The following SYNJ2 variants were observed in gnomAD, a reference collection of about 807,000 sequenced individuals.
The protein encoded by SYNJ2 is synaptojanin 2.
A neutral mutation model predicts 141.3 loss-of-function variants in SYNJ2; 116 were observed. The observed-to-expected ratio is 0.82, with a 90% CI of 0.71 to 0.96. The LOEUF is 0.96. Among genes scored for constraint, SYNJ2 ranks in the 40% least tolerant of loss-of-function variants. SYNJ2 has a pLI of 0.00. For missense variants in SYNJ2, 1,873 were observed against 1,934.8 expected, an observed-to-expected ratio of 0.97 and a Z score of 0.60; for synonymous variants, 745 against 777.7, an observed-to-expected ratio of 0.96 and a Z score of 0.70.
intron 1 of SYNJ2, among the ~76,000 whole-genome samples, chr6:158,005,122 G>A (rs1442385762): frequency 6.7e-6 from 1 of 149,304 alleles, no homozygotes; most frequent in Non-Finnish European, 1.5e-5. Flanking sequence ...CTGTCGCCCA[G>A]GCTGGAGTGC....
chr6:158,025,981 A>ATACATACATACATACG (rs1246629241), intron 2 of SYNJ2, among the ~76,000 whole-genome samples: 6 of 128,992 alleles, frequency 4.7e-5, no homozygotes, highest in Non-Finnish European at 1.0e-4. Context: ...TAATACATGC[A>ATACATACATACATACG]TACATACATA....
At chr6:157,991,609 C>A (rs1241168549) in intron 1 of SYNJ2, among the ~76,000 whole-genome samples, 1 of 152,124 alleles carries the variant, frequency 6.6e-6, no homozygotes, top group African/African-American at 2.4e-5. Context: ...AGATTCCATG[C>A]GTCTTAAAAG....
intron 1 of SYNJ2, among the ~76,000 whole-genome samples, chr6:157,985,236 G>C (rs962054504): frequency 1.3e-5 from 2 of 151,674 alleles, no homozygotes; most frequent in African/African-American, 4.9e-5. Context: ...CCTTCCATCT[G>C]AACCTGTCTT....
rs1441464135 is a variant in SYNJ2 at position 158,083,492 on chromosome 6, G to C, written c.2929G>C (p.Glu977Gln). ...TKDWLKGLRE[E>Q]IIRKRDSMAP... ...GGACTGGCTGAAAGGTTTGCGAGAG[G>C]AGATCATTCGGAAACGAGACAGCAT... The change falls in exon 21 of 27, where the codon GAG (glutamate) becomes CAG (glutamine). Residue 977 changes from glutamate (E) to glutamine (Q), a missense_variant. Physicochemically the swap from Glu to Gln is conservative, Grantham distance 29. Coordinates refer to ENST00000355585, the MANE Select transcript of SYNJ2 (RefSeq NM_003898.4). 6.2e-7 allele frequency: 1 copy of C among 1,614,062 alleles called. No individual in the cohort carries two copies. Among genetic ancestry groups the C allele is most frequent in the Admixed American group, 1.7e-5 (1 of 60,002 alleles).
At chr6:158,063,675 A>AAC in intron 8 of SYNJ2, 116 bp from the exon 9 acceptor site, 1 of 627,080 alleles carries the variant, frequency 1.6e-6, no homozygotes, top group Non-Finnish European at 2.5e-6. Flanking sequence ...AAAAAAAAAA[A>AAC]AAAAAAAAAA....
At chr6:158,067,562 T>A in intron 12 of SYNJ2, 1 of 985,394 alleles carries the variant, frequency 1.0e-6, no homozygotes, top group Non-Finnish European at 1.2e-6. Context: ...GGTTTTTTTG[T>A]TTGTTTGTTT....
intron 2 of SYNJ2, among the ~76,000 whole-genome samples, chr6:158,018,621 T>A (rs1778597850): frequency 1.3e-5 from 2 of 152,194 alleles, no homozygotes; most frequent in Non-Finnish European, 2.9e-5. Flanking sequence ...CCAAATAGCA[T>A]TTAGGAAAAA....
chr6:158,017,144 A>C (rs1472150343), intron 1 of SYNJ2, 60 bp from the exon 2 acceptor site: 2 of 1,568,722 alleles, frequency 1.3e-6, no homozygotes, highest in African/African-American at 2.7e-5. Flanking sequence ...CCGGGTGTGA[A>C]TGAACAGGAA....
At chr6:157,995,801 A>G (rs1016010189) in intron 1 of SYNJ2, among the ~76,000 whole-genome samples, 1 of 152,230 alleles carries the variant, frequency 6.6e-6, no homozygotes, top group Admixed American at 6.5e-5. Context: ...ACATCGACAG[A>G]TAAAAATCAA....
intron 1 of SYNJ2, among the ~76,000 whole-genome samples, chr6:158,004,714 C>T (rs193229645): frequency 9.8e-5 from 15 of 152,318 alleles, no homozygotes. Context: ...TGAATTCTCT[C>T]TTGCATGAGA....
Position 158,084,199 on chromosome 6 carries a change from G to T in SYNJ2, c.3208+25G>T. ...GGTAGCCTGACCCTTCTTTTCTCAGGAGCCTCAGCGATGGAGTCAGCTCAG... is the reference window on the plus strand; with the variant it reads ...GGTAGCCTGACCCTTCTTTTCTCAGTAGCCTCAGCGATGGAGTCAGCTCAG... On this transcript the variant is annotated intron_variant, in intron 22 of 26. Transcript: ENST00000355585. This position sits in a 1 kb window ranked among gnomAD's most constrained non-coding sequence, Gnocchi z 5.0. 6.2e-7 allele frequency: 1 copy of T among 1,606,642 alleles called. No individual in the cohort carries two copies. The highest frequency in any genetic ancestry group is 8.5e-7 in the Non-Finnish European group (1 of 1,175,964).
At chr6:158,038,847 G>T (rs1004830259) in intron 4 of SYNJ2, among the ~76,000 whole-genome samples, 9 of 152,226 alleles carry the variant, frequency 5.9e-5, no homozygotes, top group Non-Finnish European at 8.8e-5. Flanking sequence ...GCACAGCAGA[G>T]CCAGGGCAGG....
intron 16 of SYNJ2, among the ~76,000 whole-genome samples, chr6:158,075,792 C>T (rs1429264187): frequency 1.3e-5 from 2 of 152,140 alleles, no homozygotes; most frequent in Non-Finnish European, 2.9e-5. Flanking sequence ...CCATACCAAC[C>T]TCCTAAAGCA....
intron 1 of SYNJ2, among the ~76,000 whole-genome samples, chr6:158,005,079 ATT>A (rs11334192): frequency 0.022 from 2,691 of 123,844 alleles, 37 homozygotes; most frequent in African/African-American, 0.054. Context: ...CCCAGTGACT[ATT>A]TTTTTTTTTT....
At chr6:158,000,478 C>T (rs181766066) in intron 1 of SYNJ2, among the ~76,000 whole-genome samples, 28 of 152,226 alleles carry the variant, frequency 1.8e-4, no homozygotes, top group Admixed American at 9.8e-4. Flanking sequence ...GTCTCATAGC[C>T]CCTCTAACCC....
At chr6:158,038,102 G>A (rs1779737023) in intron 4 of SYNJ2, among the ~76,000 whole-genome samples, 1 of 152,232 alleles carries the variant, frequency 6.6e-6, no homozygotes, top group Non-Finnish European at 1.5e-5. Flanking sequence ...ATAGAGATAT[G>A]AACAGCCTGC....
chr6:158,089,755 C>T, intron 24 of SYNJ2, 84 bp from the exon 25 acceptor site: 2 of 978,810 alleles, frequency 2.0e-6, no homozygotes, highest in Non-Finnish European at 1.6e-6. Context: ...GAGCCCTGCA[C>T]AGACCCACGG....
Position 158,015,094 on chromosome 6 carries a change from T to C in SYNJ2, c.128-2110T>C, listed in dbSNP as rs567908516. On this transcript the variant is annotated intron_variant, in intron 1 of 26. Coordinates refer to ENST00000355585, the MANE Select transcript of SYNJ2 (RefSeq NM_003898.4). ...AAGGTTCACCTGCTTCAAATGTTCA[T>C]CCAAGCTTTCTACACTTGCCTCTCT... is the stretch of plus-strand genomic sequence containing the variant. 5.3e-5 allele frequency among the ~76,000 whole-genome samples: 8 copies of C among 152,296 alleles called. No individual in the cohort carries two copies. In the South Asian group the frequency reaches 1.7e-3, roughly 32 times the overall value.
chr6:158,013,134 C>T (rs1771144354), intron 1 of SYNJ2, among the ~76,000 whole-genome samples: 1 of 152,220 alleles, frequency 6.6e-6, no homozygotes, highest in Non-Finnish European at 1.5e-5. Context: ...GTAATCTCAG[C>T]ACTTTGGAAG....
Sources: allele counts gnomAD v4.1 joint callset (sites outside exome capture counted in the v4.1 genomes callset), GRCh38; gene constraint gnomAD v4.1.1; non-coding constraint Gnocchi (gnomAD v3.1); transcripts MANE v1.5; gene names NCBI Gene and HGNC (gene_info 2026-07-23, HGNC 2026-07-21).